Variants in LPL observed in about 807,000 individuals in gnomAD.
The protein encoded by LPL is phospholipase A1.
In LPL, 43 loss-of-function variants were observed where a neutral mutation model predicts 52.2. The observed-to-expected ratio is 0.82, with a 90% CI of 0.64 to 1.06. LPL has a LOEUF of 1.06. LPL is among the 50% of genes least tolerant of loss of function. The pLI is 0.00. For missense variants in LPL, 639 were observed against 585.3 expected (o/e 1.09, Z -0.95); for synonymous variants, 244 against 215.6 (o/e 1.13, Z -1.15).
chr8:19,948,376 T>C, intron 2 of LPL, 36 bp downstream of exon 2: 1 of 1,611,926 alleles, frequency 6.2e-7, no homozygotes, highest in Non-Finnish European at 8.5e-7. Context: ...TGGATTGGGG[T>C]GGTGAGGTAT....
In LPL at chr8:19,953,990, C is replaced by A. The variant is rs144254368; in HGVS notation, c.542-130C>A. 735 of 738,372 alleles carry A rather than the reference C, an allele frequency of 1.0e-3. 4 individuals are homozygous for A. In the African/African-American group the frequency reaches 0.012, roughly 12 times the overall value. 45.7% of individuals were successfully genotyped at this position (738,372 alleles called of 1,614,324 possible). ...TTTATGTCTCTCTAAGTAAAGATAC[C>A]ATGACTGTAGAATAGGAGCTAATAA... is the stretch of plus-strand genomic sequence containing the variant. On this transcript the variant is annotated intron_variant, in intron 4 of 9. Coordinates refer to ENST00000650287, the MANE Select transcript of LPL (RefSeq NM_000237.3).
Position 19,962,201 on chromosome 8 carries a change from T to G in LPL, c.1409T>G (p.Leu470Arg). 6.2e-7 allele frequency: 1 copy of G among 1,613,728 alleles called. No individual in the cohort carries two copies. The highest frequency in any genetic ancestry group is 1.7e-5 in the Admixed American group (1 of 60,004). ...TTTGTGAAATGCCATGACAAGTCTCTGAATAAGAAGTCAGGCTGGTGAGCA... is the reference window on the plus strand; with the variant it reads ...TTTGTGAAATGCCATGACAAGTCTCGGAATAAGAAGTCAGGCTGGTGAGCA... ...AVFVKCHDKS[L>R]NKKSG Residue 470 changes from leucine (L) to arginine (R), a missense_variant, in exon 9 of 10, where the codon CTG becomes CGG. Coordinates refer to ENST00000650287, the MANE Select transcript of LPL (RefSeq NM_000237.3).
At chr8:19,953,190 A>T (rs1430580321) in intron 3 of LPL, 120 bp from the exon 4 acceptor site, 4 of 685,422 alleles carry the variant, frequency 5.8e-6, no homozygotes, top group Middle Eastern at 5.4e-4. Context: ...AAATTAAAAT[A>T]AGTAGAATTA....
chr8:19,948,597 T>A, intron 2 of LPL: 1 of 463,318 alleles, frequency 2.2e-6, no homozygotes, highest in Non-Finnish European at 3.9e-6. Flanking sequence ...GCGAGGTTGG[T>A]AAAGGATGCT....
chr8:19,944,333 A>G lies in LPL; in HGVS notation c.89-3847A>G, dbSNP rs1293980563. Among the ~76,000 whole-genome samples the G allele has an allele frequency of 6.6e-6, 1 of 152,176 alleles. No individual in the cohort carries two copies. Among genetic ancestry groups the G allele is most frequent in the African/African-American group, 2.4e-5 (1 of 41,428 alleles). On this transcript the variant is annotated intron_variant, in intron 1 of 9. Coordinates refer to ENST00000650287, the MANE Select transcript of LPL (RefSeq NM_000237.3). This position sits in a 1 kb window ranked among gnomAD's most constrained non-coding sequence, Gnocchi z 4.2. Reference sequence around the variant, plus strand: ...TTTTCTTCACCAAATCGACCACATCAGTAATTCACTTTGTTCTTCGATATC... The same window carrying G: ...TTTTCTTCACCAAATCGACCACATCGGTAATTCACTTTGTTCTTCGATATC...
intron 6 of LPL, among the ~76,000 whole-genome samples, chr8:19,957,010 G>A (rs2069991774): frequency 6.6e-6 from 1 of 152,114 alleles, no homozygotes; most frequent in Admixed American, 6.5e-5. Context: ...TTTTAGTAGA[G>A]AGGGGGTTTC....
chr8:19,951,716 C>T (rs2069935548), intron 2 of LPL, 53 bp from the exon 3 acceptor site: 1 of 1,595,142 alleles, frequency 6.3e-7, no homozygotes, highest in African/African-American at 1.3e-5. Context: ...GCTGATGTAT[C>T]TATGACAAGT....
At chr8:19,946,980 T>G (rs2128836665) in intron 1 of LPL, among the ~76,000 whole-genome samples, 1 of 152,276 alleles carries the variant, frequency 6.6e-6, no homozygotes, top group African/African-American at 2.4e-5. Flanking sequence ...TTTGCTGTGG[T>G]TTTCAAGTTT....
chr8:19,944,228 T>C lies in LPL; in HGVS notation c.89-3952T>C, dbSNP rs1017616685. ...TAAAATGAAATAAAGTAAAGCTGCA[T>C]GTTAGAGAAGTCAAGAGCATTACTT... On this transcript the variant is annotated intron_variant, in intron 1 of 9. Coordinates refer to ENST00000650287, the MANE Select transcript of LPL (RefSeq NM_000237.3). This position sits in a 1 kb window ranked among gnomAD's most constrained non-coding sequence, Gnocchi z 4.2. Among the ~76,000 whole-genome samples, 3 of 152,212 alleles carry C rather than the reference T, an allele frequency of 2.0e-5. No individual in the cohort carries two copies. The highest frequency in any genetic ancestry group is 7.2e-5 in the African/African-American group (3 of 41,552).
In LPL at chr8:19,939,331, G is replaced by A; in HGVS notation, c.-110G>A. 1 of 1,021,822 alleles carries A rather than the reference G, an allele frequency of 9.8e-7. No homozygotes were observed. 63.3% of individuals were successfully genotyped at this position (1,021,822 alleles called of 1,614,324 possible). ...AGCTGCCCTGCCATCCCCTTTAAAG[G>A]GCGACTTGCTCAGCGCCAAACCGCG... On this transcript the variant is annotated 5_prime_UTR_variant, in exon 1 of 10. Transcript: ENST00000650287. The surrounding 1 kb of genome is among the most constrained non-coding windows in gnomAD (Gnocchi z 4.0).
intron 9 of LPL, among the ~76,000 whole-genome samples, chr8:19,964,385 C>T (rs1476958405): frequency 1.3e-5 from 2 of 152,198 alleles, no homozygotes; most frequent in Admixed American, 6.5e-5. Context: ...ACTCTAGCTG[C>T]TTGTAAAGCA....
Position 19,955,984 on chromosome 8 carries a change from A to C in LPL, c.919A>C (p.Lys307Gln), listed in dbSNP as rs2069981391. 1 of 1,614,074 alleles carries C rather than the reference A, an allele frequency of 6.2e-7. No individual in the cohort carries two copies. Among genetic ancestry groups the C allele is most frequent in the Non-Finnish European group, 8.5e-7 (1 of 1,180,050 alleles). The change falls in exon 6 of 10, where the codon AAG becomes CAG. Residue 307 changes from lysine (K) to glutamine (Q), a missense_variant. By Grantham distance (53) the Lys-to-Gln change is moderately conservative. Coordinates refer to ENST00000650287, the MANE Select transcript of LPL (RefSeq NM_000237.3). ...GAAAGGGCTCTGCTTGAGTTGTAGAAAGAACCGCTGCAACAATCTGGGCTA... is the reference window on the plus strand; with the variant it reads ...GAAAGGGCTCTGCTTGAGTTGTAGACAGAACCGCTGCAACAATCTGGGCTA... The part of the protein sequence containing the change: ...FEKGLCLSCR[K>Q]NRCNNLGYEI...
intron 2 of LPL, chr8:19,948,575 C>A (rs2069904049): frequency 2.0e-6 from 1 of 504,070 alleles, no homozygotes; most frequent in Non-Finnish European, 3.5e-6. Flanking sequence ...TGCCCTTGAG[C>A]CAGAGCTTCC....
At chr8:19,948,695 A>C (rs919722219) in intron 2 of LPL, among the ~76,000 whole-genome samples, 1 of 152,182 alleles carries the variant, frequency 6.6e-6, no homozygotes, top group East Asian at 1.9e-4. Context: ...GCACATTGCC[A>C]GGAGAACCTT....
rs1365910917 is a variant in LPL at position 19,967,016 on chromosome 8, A to C, written c.*1706A>C. On this transcript the variant is annotated 3_prime_UTR_variant, in exon 10 of 10. Coordinates refer to ENST00000650287, the MANE Select transcript of LPL (RefSeq NM_000237.3). ...CAAGGATGTTCTGGCTTTACATTTT[A>C]TTTATTAGCTGTAAATACATGTGTG... The C allele has an allele frequency of 5.2e-5, 8 of 152,734 alleles. No homozygotes were observed. Among genetic ancestry groups the C allele is most frequent in the Non-Finnish European group, 7.4e-5 (5 of 68,026 alleles). The allele number at this position is 152,734 out of a possible 1,614,324, so 9.5% of individuals were successfully genotyped here. A position where few individuals can be genotyped will look rare whatever the true frequency, so the allele number is the denominator to read the frequency against.
chr8:19,946,961 A>G (rs535883134), intron 1 of LPL, among the ~76,000 whole-genome samples: 3 of 152,210 alleles, frequency 2.0e-5, no homozygotes, highest in Non-Finnish European at 4.4e-5. Flanking sequence ...AACCCTTTCA[A>G]CAACAAGGTT....
chr8:19,962,505 T>C (rs2070048886), intron 9 of LPL, among the ~76,000 whole-genome samples: 1 of 152,178 alleles, frequency 6.6e-6, no homozygotes, highest in Non-Finnish European at 1.5e-5. Context: ...CCCTGAATCT[T>C]CACTTCTCCT....
intron 6 of LPL, 121 bp from the exon 7 acceptor site, chr8:19,959,139 T>G (rs1201438937): frequency 1.7e-6 from 2 of 1,177,918 alleles, no homozygotes; most frequent in Non-Finnish European, 1.2e-6. Flanking sequence ...TGGTTCCATG[T>G]GTGTGCACTT....
chr8:19,942,710 G>C (rs1227560525), intron 1 of LPL, among the ~76,000 whole-genome samples: 3 of 152,178 alleles, frequency 2.0e-5, no homozygotes, highest in Non-Finnish European at 4.4e-5. Flanking sequence ...CAGAGGCTAA[G>C]AGTTTGAAAT....
Sources: allele counts gnomAD v4.1 joint callset (sites outside exome capture counted in the v4.1 genomes callset), GRCh38; gene constraint gnomAD v4.1.1; non-coding constraint Gnocchi (gnomAD v3.1); transcripts MANE v1.5; gene names NCBI Gene and HGNC (gene_info 2026-07-23, HGNC 2026-07-21).